The following TMEM63B variants were observed in gnomAD, a reference collection of about 807,000 sequenced individuals.
TMEM63B encodes transmembrane protein 63B.
Under a neutral mutation model 102.6 loss-of-function variants are expected in TMEM63B, and 23 were observed. The ratio of observed to expected loss-of-function variants is 0.22; its 90% confidence interval spans 0.16 to 0.32. TMEM63B has a LOEUF of 0.32. Among genes scored for constraint, TMEM63B ranks in the 10% least tolerant of loss-of-function variants. TMEM63B has a pLI of 1.00. For synonymous variants in TMEM63B, 444 were observed against 437.0 expected (o/e 1.02, Z -0.20); for missense variants, 628 against 1,095.9 (o/e 0.57, Z 6.03).
intron 4 of TMEM63B, 31 bp downstream of exon 4, chr6:44,135,397 C>T: frequency 6.3e-7 from 1 of 1,595,626 alleles, no homozygotes; most frequent in Non-Finnish European, 8.6e-7. Context: ...CTCATTCCCA[C>T]TAAACCAGCT....
intron 1 of TMEM63B, chr6:44,134,291 C>A: frequency 4.8e-6 from 2 of 418,340 alleles, no homozygotes; most frequent in Non-Finnish European, 8.6e-6. Flanking sequence ...CAGATACCTT[C>A]CAGCTTAATG....
intron 1 of TMEM63B, among the ~76,000 whole-genome samples, chr6:44,131,075 AC>A (rs1326338345): frequency 6.6e-6 from 1 of 151,138 alleles, no homozygotes; most frequent in Non-Finnish European, 1.5e-5. Context: ...ATGCCACCAC[AC>A]CCAGCTAATT....
intron 1 of TMEM63B, 92 bp from the exon 2 acceptor site, chr6:44,134,469 A>G: frequency 1.5e-6 from 2 of 1,354,440 alleles, no homozygotes; most frequent in East Asian, 5.0e-5. Flanking sequence ...CAGCCTGGTG[A>G]TCTGTCCTCA....
rs375251660 is a variant in TMEM63B, at chr6:44,148,466, G to A, written c.1122-47G>A. ...CTGTGCTCATGGCCTTCTGCCAGCAGTGTGGCCTCCAGGTGGGCCTGTGGT... is the reference window on the plus strand; with the variant it reads ...CTGTGCTCATGGCCTTCTGCCAGCAATGTGGCCTCCAGGTGGGCCTGTGGT... On this transcript the variant is annotated intron_variant, in intron 13 of 23. Transcript: ENST00000323267. This position sits in a 1 kb window ranked among gnomAD's most constrained non-coding sequence, Gnocchi z 5.1. The A allele has an allele frequency of 1.7e-5, 27 of 1,612,544 alleles. No homozygotes were observed. Among genetic ancestry groups the A allele is most frequent in the Admixed American group, 6.7e-5 (4 of 59,948 alleles).
rs771791734 is a variant in TMEM63B, at chr6:44,136,333, T to A, written c.279-16T>A. Reference sequence around the variant, plus strand: ...ACTCACCAGGCTCTCTGATCTCTCATCTCCCTCACCCCCAGTGTGGCTTCA... The same window carrying A: ...ACTCACCAGGCTCTCTGATCTCTCAACTCCCTCACCCCCAGTGTGGCTTCA... On this transcript the variant is annotated splice_polypyrimidine_tract_variant and intron_variant, in intron 4 of 23. Transcript: ENST00000323267. The A allele has an allele frequency of 1.2e-6, 2 of 1,612,576 alleles. No individual in the cohort carries two copies. The highest frequency in any genetic ancestry group is 1.7e-6 in the Non-Finnish European group (2 of 1,178,756).
rs1762984283 is a variant in TMEM63B, at chr6:44,136,498, TGAG to T, written c.369+60_369+62del. On this transcript the variant is annotated intron_variant, in intron 5 of 23. Coordinates refer to ENST00000323267, the MANE Select transcript of TMEM63B (RefSeq NM_018426.3). ...CACCCCACCCCCAGGGCACATGGGC[TGAG>T]AAGTCCCTCACTTTCAGTGATGTGG... The T allele has an allele frequency of 4.6e-5, 53 of 1,142,558 alleles. No homozygotes were observed. The South Asian group carries it at 6.8e-4, about 15-fold the overall frequency. 70.8% of individuals were successfully genotyped at this position (1,142,558 alleles called of 1,614,324 possible).
rs911941091 is a variant in TMEM63B, at chr6:44,135,161, T to C, written c.239+65T>C. The C allele has an allele frequency of 1.9e-6, 3 of 1,597,268 alleles. No individual in the cohort carries two copies. In the African/African-American group the frequency reaches 4.0e-5, roughly 21 times the overall value. On this transcript the variant is annotated intron_variant, in intron 3 of 23. Transcript: ENST00000323267. ...CATCTTGTTCCACACTCCTCAGGAA[T>C]AGGAAGGAGCCAGCCCTCTCTCATT...
At position 44,154,326 on chromosome 6, in the gene TMEM63B, A is replaced by G. The variant is rs574843946; in HGVS notation, c.2227-39A>G. 56 of 1,608,034 alleles carry G rather than the reference A, an allele frequency of 3.5e-5. No homozygotes were observed. The African/African-American group carries it at 7.2e-4, about 21-fold the overall frequency. ...CGTGGGGTCATGATCAGGGCTGAGG[A>G]CATGCCCCCACTTCCTGACTCATTC... On this transcript the variant is annotated intron_variant, in intron 22 of 23. Coordinates refer to ENST00000323267, the MANE Select transcript of TMEM63B (RefSeq NM_018426.3).
intron 1 of TMEM63B, among the ~76,000 whole-genome samples, chr6:44,131,742 A>C (rs74484418): frequency 0.041 from 3,734 of 90,310 alleles, 143 homozygotes; most frequent in East Asian, 0.22. Context: ...CAACCCCCCC[A>C]AAAAAAAGCT....
chr6:44,140,534 T>C (rs1236306600), intron 9 of TMEM63B, 174 bp downstream of exon 9: 4 of 693,854 alleles, frequency 5.8e-6, no homozygotes, highest in Admixed American at 2.0e-5. Context: ...GATTTTCTCA[T>C]CTGTAAAATG....
intron 15 of TMEM63B, chr6:44,149,357 T>A (rs1766101118): frequency 3.1e-6 from 1 of 322,028 alleles, no homozygotes; most frequent in South Asian, 3.3e-5. Context: ...GTGGCATGCA[T>A]GTCTGCCTGG....
At chr6:44,140,215 C>A in intron 8 of TMEM63B, 37 bp from the exon 9 acceptor site, 1 of 1,544,164 alleles carries the variant, frequency 6.5e-7, no homozygotes, top group Non-Finnish European at 8.9e-7. Flanking sequence ...GTGTCCTAGC[C>A]CCAGTGGCTC....
In TMEM63B at chr6:44,152,365, T is replaced by C. The variant is rs768491314; in HGVS notation, c.1837-228T>C. ...CCCCTACCTGCCAGGCCCCGACCCT[T>C]GAAGGCCCCTCTCCGTGCCCCATCA... On this transcript the variant is annotated intron_variant, in intron 19 of 23. Coordinates refer to ENST00000323267, the MANE Select transcript of TMEM63B (RefSeq NM_018426.3). This position sits in a 1 kb window ranked among gnomAD's most constrained non-coding sequence, Gnocchi z 6.4. Among the ~76,000 whole-genome samples, 6 of 151,890 alleles carry C rather than the reference T, an allele frequency of 4.0e-5. No homozygotes were observed. The highest frequency in any genetic ancestry group is 7.4e-5 in the Non-Finnish European group (5 of 67,944).
intron 22 of TMEM63B, 73 bp from the exon 23 acceptor site, chr6:44,154,292 C>G: frequency 6.2e-7 from 1 of 1,602,198 alleles, no homozygotes; most frequent in East Asian, 2.2e-5. Context: ...GCCAACAGGG[C>G]CAAGCGGGCG....
At chr6:44,127,998 G>C (rs1387046169) in intron 1 of TMEM63B, 2 of 151,614 alleles carry the variant, frequency 1.3e-5, no homozygotes, top group Non-Finnish European at 2.9e-5. Context: ...GCCCGGTGCA[G>C]GTGCGCGTCC....
chr6:44,139,882 C>G, intron 8 of TMEM63B, 123 bp downstream of exon 8: 1 of 1,232,646 alleles, frequency 8.1e-7, no homozygotes, highest in East Asian at 2.3e-5. Context: ...GCTATGGGTC[C>G]CTGAGGGCTT....
upstream of TMEM63B, chr6:44,127,187 C>G (rs996703430): frequency 1.6e-5 from 2 of 125,102 alleles, no homozygotes; most frequent in African/African-American, 5.4e-5. Context: ...CCCGTCGGGA[C>G]CCCCCCCTCC....
Position 44,135,386 on chromosome 6 carries a change from C to A in TMEM63B, c.278+20C>A, listed in dbSNP as rs753172786. 6.2e-7 allele frequency: 1 copy of A among 1,605,758 alleles called. No homozygotes were observed. Among genetic ancestry groups the A allele is most frequent in the Non-Finnish European group, 8.5e-7 (1 of 1,174,762 alleles). ...GGAATAGTATGTGGGGCACCAGCCC[C>A]CTCATTCCCACTAAACCAGCTTTCC... On this transcript the variant is annotated intron_variant, in intron 4 of 23. Transcript: ENST00000323267.
chr6:44,144,459 C>T (rs1402053079), intron 10 of TMEM63B, among the ~76,000 whole-genome samples: 1 of 152,108 alleles, frequency 6.6e-6, no homozygotes, highest in East Asian at 1.9e-4. Context: ...TCTCTAGCCT[C>T]CTGGGAAGTA....
Sources: allele counts gnomAD v4.1 joint callset (sites outside exome capture counted in the v4.1 genomes callset), GRCh38; gene constraint gnomAD v4.1.1; non-coding constraint Gnocchi (gnomAD v3.1); transcripts MANE v1.5; gene names NCBI Gene and HGNC (gene_info 2026-07-23, HGNC 2026-07-21).